ZDHHC2: variants seen among roughly 807,000 people sequenced by gnomAD.
The protein encoded by ZDHHC2 is zDHHC palmitoyltransferase 2.
In ZDHHC2, 51 loss-of-function variants were observed where a neutral mutation model predicts 55.6. The ratio of observed to expected loss-of-function variants is 0.92; its 90% CI spans 0.73 to 1.16. The LOEUF (loss-of-function observed/expected upper bound fraction) is 1.16, where lower values mean the gene tolerates loss of function less well. Ranked by LOEUF, ZDHHC2 falls within the 50% of genes most tolerant of loss-of-function variation. The probability of loss-of-function intolerance (pLI) is 0.00; values close to 1 mark genes in which losing one functional copy is unlikely to be tolerated. For missense variants in ZDHHC2, 491 were observed against 442.4 expected (o/e 1.11, Z -0.99); for synonymous variants, 199 against 152.9 (o/e 1.30, Z -2.22).
At chr8:17,165,748 C>T (rs1022601818) in intron 1 of ZDHHC2, among the ~76,000 whole-genome samples, 1 of 152,114 alleles carries the variant, frequency 6.6e-6, no homozygotes, top group Non-Finnish European at 1.5e-5. Flanking sequence ...AAAAGTAGGG[C>T]AAGAAGGACT....
chr8:17,213,248 T>G (rs1807474669), intron 10 of ZDHHC2, among the ~76,000 whole-genome samples: 1 of 149,956 alleles, frequency 6.7e-6, no homozygotes, highest in Non-Finnish European at 1.5e-5. Context: ...TTACACTGAT[T>G]TTTTTTTTCT....
chr8:17,179,268 C>G (rs1217169965), intron 1 of ZDHHC2, among the ~76,000 whole-genome samples: 1 of 152,072 alleles, frequency 6.6e-6, no homozygotes, highest in Non-Finnish European at 1.5e-5. Flanking sequence ...GTCTTTCTTA[C>G]GGGAATGATC....
intron 6 of ZDHHC2, among the ~76,000 whole-genome samples, chr8:17,203,083 A>G (rs1405302535): frequency 4.0e-4 from 17 of 42,568 alleles, no homozygotes; most frequent in African/African-American, 1.1e-3. Flanking sequence ...TTTTTTTGAG[A>G]TGGAATTTCA....
intron 10 of ZDHHC2, among the ~76,000 whole-genome samples, chr8:17,215,026 A>T (rs545634251): frequency 1.3e-5 from 2 of 152,298 alleles, no homozygotes; most frequent in South Asian, 4.2e-4. Flanking sequence ...TGGTAAGCAG[A>T]AGAAGGAAAA....
rs562924660 is a variant in ZDHHC2, at chr8:17,220,588, G to C, written c.*367G>C. 11 of 152,254 alleles carry C rather than the reference G, an allele frequency of 7.2e-5. No individual in the cohort carries two copies. In the South Asian group the frequency reaches 2.1e-3, roughly 29 times the overall value. 9.4% of individuals were successfully genotyped at this position (152,254 alleles called of 1,614,324 possible). A position where few individuals can be genotyped will look rare whatever the true frequency, so the allele number is the denominator to read the frequency against. ...AACTCCATTAATCATCTGATTTTCC[G>C]AATCTGAAAATTGAGACTATTAAGA... On this transcript the variant is annotated 3_prime_UTR_variant, in exon 13 of 13. Transcript: ENST00000262096.
chr8:17,162,939 T>G (rs1168275471), intron 1 of ZDHHC2: 1 of 152,164 alleles, frequency 6.6e-6, no homozygotes, highest in Non-Finnish European at 1.5e-5. Flanking sequence ...CCACATATAT[T>G]TAGTGGTTGA....
chr8:17,207,308 A>G (rs995289368), intron 7 of ZDHHC2, among the ~76,000 whole-genome samples: 1 of 152,156 alleles, frequency 6.6e-6, no homozygotes, highest in Middle Eastern at 3.2e-3. Context: ...TTTATAAACA[A>G]TGAGAGAATG....
In ZDHHC2 at chr8:17,224,454, C is replaced by T. The variant is rs916382318; in HGVS notation, c.*4233C>T. ...TCCCTTTTGCTCAGGAAAAATAGTA[C>T]TACTTTATGGTTTATGAAAACCTAT... On this transcript the variant is annotated 3_prime_UTR_variant, in exon 13 of 13. Coordinates refer to ENST00000262096, the MANE Select transcript of ZDHHC2 (RefSeq NM_016353.5). 1 of 151,526 alleles carries T rather than the reference C, an allele frequency of 6.6e-6. No homozygotes were observed. Among genetic ancestry groups the T allele is most frequent in the Non-Finnish European group, 1.5e-5 (1 of 67,624 alleles). 9.4% of individuals were successfully genotyped at this position (151,526 alleles called of 1,614,324 possible).
At chr8:17,186,508 A>C in intron 3 of ZDHHC2, 83 bp downstream of exon 3, 2 of 826,988 alleles carry the variant, frequency 2.4e-6, no homozygotes. Context: ...TTTTATTTTA[A>C]TGTTGCAAAC....
intron 1 of ZDHHC2, among the ~76,000 whole-genome samples, chr8:17,165,626 T>A (rs1804563276): frequency 6.6e-6 from 1 of 152,280 alleles, no homozygotes; most frequent in African/African-American, 2.4e-5. Context: ...AAAAAATATC[T>A]ATTGACAGAT....
chr8:17,199,743 G>T (rs149918663), intron 6 of ZDHHC2, among the ~76,000 whole-genome samples: 165 of 115,456 alleles, frequency 1.4e-3, no homozygotes, highest in Middle Eastern at 5.1e-3. Context: ...TTCCTTCTTC[G>T]TCCTTCTTCT....
rs187678699 is a variant in ZDHHC2 at position 17,224,642 on chromosome 8, A to C, written c.*4421A>C. ...TCAAGGTAAAATTCCGTTGATTCTGAATTTAAAAAGATACTACAGAATGCG... is the reference window on the plus strand; with the variant it reads ...TCAAGGTAAAATTCCGTTGATTCTGCATTTAAAAAGATACTACAGAATGCG... On this transcript the variant is annotated 3_prime_UTR_variant, in exon 13 of 13. Transcript: ENST00000262096. 1 of 151,838 alleles carries C rather than the reference A, an allele frequency of 6.6e-6. No individual in the cohort carries two copies. Among genetic ancestry groups the C allele is most frequent in the African/African-American group, 2.4e-5 (1 of 41,504 alleles). 9.4% of individuals were successfully genotyped at this position (151,838 alleles called of 1,614,324 possible).
At chr8:17,162,594 T>C (rs1198307729) in intron 1 of ZDHHC2, among the ~76,000 whole-genome samples, 1 of 152,140 alleles carries the variant, frequency 6.6e-6, no homozygotes, top group Non-Finnish European at 1.5e-5. Context: ...CAAAAGCATT[T>C]ACTTGCCAGG....
intron 1 of ZDHHC2, among the ~76,000 whole-genome samples, chr8:17,174,807 C>T (rs1463634546): frequency 6.7e-6 from 1 of 149,608 alleles, no homozygotes; most frequent in Non-Finnish European, 1.5e-5. Context: ...GCCTCCTGGG[C>T]TCAAGGGATC....
In ZDHHC2 at chr8:17,223,742, C is replaced by A. The variant is rs1305413353; in HGVS notation, c.*3521C>A. 2.0e-5 allele frequency: 3 copies of A among 151,900 alleles called. No individual in the cohort carries two copies. The highest frequency in any genetic ancestry group is 4.8e-5 in the African/African-American group (2 of 41,442). 9.4% of individuals were successfully genotyped at this position (151,900 alleles called of 1,614,324 possible). A position where few individuals can be genotyped will look rare whatever the true frequency, so the allele number is the denominator to read the frequency against. Reference sequence around the variant, plus strand: ...AACCTAGATTTTACAACTGAGCAATCTGTTCCCCACCAGATTTCCTTTAGA... The same window carrying A: ...AACCTAGATTTTACAACTGAGCAATATGTTCCCCACCAGATTTCCTTTAGA... On this transcript the variant is annotated 3_prime_UTR_variant, in exon 13 of 13. Transcript: ENST00000262096.
intron 1 of ZDHHC2, among the ~76,000 whole-genome samples, chr8:17,159,614 A>C (rs1007403903): frequency 6.6e-6 from 1 of 152,158 alleles, no homozygotes; most frequent in African/African-American, 2.4e-5. Flanking sequence ...CAGTTAGCAT[A>C]ATTTTTGCTT....
At chr8:17,203,814 T>TC (rs1806945896) in intron 6 of ZDHHC2, among the ~76,000 whole-genome samples, 1 of 145,896 alleles carries the variant, frequency 6.9e-6, no homozygotes, top group African/African-American at 2.6e-5. Context: ...TTTTTCTTTT[T>TC]TTTTTTTTTT....
intron 1 of ZDHHC2, among the ~76,000 whole-genome samples, chr8:17,178,503 G>C (rs897875247): frequency 3.3e-5 from 5 of 152,148 alleles, no homozygotes; most frequent in Non-Finnish European, 1.5e-5. Flanking sequence ...AAATATTTTA[G>C]GCTTTGCAGT....
At chr8:17,211,914 C>G (rs1389723097) in intron 10 of ZDHHC2, among the ~76,000 whole-genome samples, 2 of 152,034 alleles carry the variant, frequency 1.3e-5, no homozygotes, top group African/African-American at 4.8e-5. Flanking sequence ...GAATACGTTT[C>G]AAGCTTTTAC....
Sources: gnomAD v4.1 joint callset for allele counts (sites outside exome capture counted in the v4.1 genomes callset) on GRCh38, gnomAD v4.1.1 for gene constraint, MANE v1.5 for transcripts, NCBI Gene and HGNC (gene_info 2026-07-23, HGNC 2026-07-21) for gene names.